FRS2: variants seen among roughly 807,000 people sequenced by gnomAD.
FRS2 encodes the protein fibroblast growth factor receptor substrate 2.
Under a neutral mutation model 43.9 loss-of-function variants are expected in FRS2, and 8 were observed. The ratio of observed to expected loss-of-function variants is 0.18; its 90% CI spans 0.11 to 0.33. The LOEUF (loss-of-function observed/expected upper bound fraction) is 0.33, where lower values mean the gene tolerates loss of function less well. Ranked by LOEUF, FRS2 falls within the 10% of genes least tolerant of loss-of-function variation. The probability of loss-of-function intolerance (pLI) is 1.00; values close to 1 mark genes in which losing one functional copy is unlikely to be tolerated. For synonymous variants in FRS2, 219 were observed against 220.3 expected, an observed-to-expected ratio of 0.99 and a Z score of 0.05; for missense variants, 534 against 627.6, an observed-to-expected ratio of 0.85 and a Z score of 1.59.
At chr12:69,556,639 T>C (rs1335173119) in intron 3 of FRS2, among the ~76,000 whole-genome samples, 1 of 152,218 alleles carries the variant, frequency 6.6e-6, no homozygotes, top group African/African-American at 2.4e-5. Flanking sequence ...ACTTTTCTGT[T>C]ATCCAACATT....
intron 3 of FRS2, among the ~76,000 whole-genome samples, chr12:69,548,540 G>A (rs1232412879): frequency 6.6e-6 from 1 of 152,158 alleles, no homozygotes; most frequent in Non-Finnish European, 1.5e-5. Flanking sequence ...GCTGTTGATC[G>A]TGGTTCTTTT....
At chr12:69,504,743 A>G (rs1873770133) in intron 1 of FRS2, among the ~76,000 whole-genome samples, 1 of 152,236 alleles carries the variant, frequency 6.6e-6, no homozygotes. Flanking sequence ...TCTTTCTCAA[A>G]GTAGAATTAC....
intron 8 of FRS2, among the ~76,000 whole-genome samples, chr12:69,572,948 A>C (rs1466744275): frequency 6.6e-6 from 1 of 152,202 alleles, no homozygotes; most frequent in Non-Finnish European, 1.5e-5. Context: ...CTCCTGCCTC[A>C]GCCTCCCAGG....
Position 69,470,401 on chromosome 12 carries a change from G to A in FRS2, c.-390G>A. On this transcript the variant is annotated 5_prime_UTR_variant, in exon 1 of 9. Transcript: ENST00000549921. ...GAAGTGCTTTTCCAAGATTCGGGCC[G>A]GAGAGAGGCCTTGTAGGCACAGCGG... 7.5e-6 allele frequency: 3 copies of A among 398,662 alleles called. No individual in the cohort carries two copies. Among genetic ancestry groups the A allele is most frequent in the Non-Finnish European group, 8.8e-6 (2 of 226,174 alleles). 24.7% of individuals were successfully genotyped at this position (398,662 alleles called of 1,614,324 possible). A position where few individuals can be genotyped will look rare whatever the true frequency, so the allele number is the denominator to read the frequency against.
intron 1 of FRS2, among the ~76,000 whole-genome samples, chr12:69,482,264 A>G (rs1288789870): frequency 6.6e-6 from 1 of 152,188 alleles, no homozygotes; most frequent in Non-Finnish European, 1.5e-5. Context: ...AGATTTTTTG[A>G]TACCAGATCA....
intron 3 of FRS2, among the ~76,000 whole-genome samples, chr12:69,557,618 G>GTGCGCA (rs1565773003): frequency 2.4e-5 from 3 of 126,578 alleles, no homozygotes. Context: ...GTGTGTGTGT[G>GTGCGCA]TGCGCGCGCG....
chr12:69,535,853 G>A (rs994554543), intron 3 of FRS2, among the ~76,000 whole-genome samples: 1 of 151,558 alleles, frequency 6.6e-6, no homozygotes, highest in Non-Finnish European at 1.5e-5. Flanking sequence ...TTATAGATGT[G>A]TTAATTTTTG....
Position 69,577,881 on chromosome 12 carries a change from A to C in FRS2, c.*2926A>C, listed in dbSNP as rs1172157496. On this transcript the variant is annotated 3_prime_UTR_variant, in exon 9 of 9. Coordinates refer to ENST00000549921, the MANE Select transcript of FRS2 (RefSeq NM_001278356.2). ...ATATCCAGAATACATCATATCTGGGACTTAGGAAAATTTGCCAAGCAATCT... is the reference window on the plus strand; with the variant it reads ...ATATCCAGAATACATCATATCTGGGCCTTAGGAAAATTTGCCAAGCAATCT... The C allele has an allele frequency of 6.6e-6, 1 of 152,564 alleles. No homozygotes were observed. Among genetic ancestry groups the C allele is most frequent in the Admixed American group, 6.5e-5 (1 of 15,276 alleles). The allele number at this position is 152,564 out of a possible 1,614,324, so 9.5% of individuals were successfully genotyped here. A position where few individuals can be genotyped will look rare whatever the true frequency, so the allele number is the denominator to read the frequency against.
chr12:69,472,554 T>G (rs1052779648), intron 1 of FRS2, among the ~76,000 whole-genome samples: 4 of 152,234 alleles, frequency 2.6e-5, no homozygotes. Context: ...AATGTATTTT[T>G]AAGGGAAATA....
intron 1 of FRS2, among the ~76,000 whole-genome samples, chr12:69,528,340 G>T (rs1012641252): frequency 1.3e-5 from 2 of 152,170 alleles, no homozygotes; most frequent in African/African-American, 2.4e-5. Context: ...ATATCTAAAG[G>T]TAACAGATAA....
At chr12:69,494,854 A>G (rs946761853) in intron 1 of FRS2, among the ~76,000 whole-genome samples, 1 of 151,666 alleles carries the variant, frequency 6.6e-6, no homozygotes, top group African/African-American at 2.4e-5. Flanking sequence ...GCTCGCTGCA[A>G]CCTCCACCTC....
intron 1 of FRS2, among the ~76,000 whole-genome samples, chr12:69,524,172 G>A (rs147206754): frequency 1.6e-3 from 239 of 152,212 alleles, no homozygotes; most frequent in African/African-American, 4.4e-3. Flanking sequence ...CAGTGTCGGC[G>A]GCAGGGGCTG....
chr12:69,545,119 A>G (rs998609909), intron 3 of FRS2, among the ~76,000 whole-genome samples: 2 of 152,194 alleles, frequency 1.3e-5, no homozygotes, highest in African/African-American at 4.8e-5. Flanking sequence ...TACAATGAAA[A>G]CTATGAAACA....
At chr12:69,485,586 G>A (rs925695935) in intron 1 of FRS2, among the ~76,000 whole-genome samples, 3 of 151,642 alleles carry the variant, frequency 2.0e-5, no homozygotes, top group Non-Finnish European at 4.4e-5. Context: ...AAGTTCAGGC[G>A]ATTTTCCTGC....
intron 4 of FRS2, among the ~76,000 whole-genome samples, chr12:69,566,048 C>CT (rs1218719893): frequency 6.6e-6 from 1 of 151,906 alleles, no homozygotes; most frequent in African/African-American, 2.4e-5. Context: ...GCTGTGATAG[C>CT]TATAGTGTCA....
At chr12:69,506,549 A>G (rs1026243144) in intron 1 of FRS2, among the ~76,000 whole-genome samples, 1 of 152,020 alleles carries the variant, frequency 6.6e-6, no homozygotes, top group African/African-American at 2.4e-5. Context: ...AGAGAGAGAG[A>G]GTACTCATTC....
rs1007788834 is a variant in FRS2, at chr12:69,578,904, T to C, written c.*3949T>C. On this transcript the variant is annotated 3_prime_UTR_variant, in exon 9 of 9. Transcript: ENST00000549921. ...ATTTTACCCCCATGGTTAATTTCTT[T>C]TATAAACATTCCATATTTCTCTAAT... The C allele has an allele frequency of 1.3e-5, 2 of 152,660 alleles. No individual in the cohort carries two copies. The highest frequency in any genetic ancestry group is 2.4e-5 in the African/African-American group (1 of 41,460). The allele number at this position is 152,660 out of a possible 1,614,324, so 9.5% of individuals were successfully genotyped here. A position where few individuals can be genotyped will look rare whatever the true frequency, so the allele number is the denominator to read the frequency against.
At chr12:69,529,975 A>G (rs1876628147) in intron 1 of FRS2, among the ~76,000 whole-genome samples, 1 of 152,100 alleles carries the variant, frequency 6.6e-6, no homozygotes, top group Non-Finnish European at 1.5e-5. Flanking sequence ...GATTGTTTGA[A>G]CCTGGGAGGC....
At chr12:69,553,629 C>A (rs993351336) in intron 3 of FRS2, among the ~76,000 whole-genome samples, 1 of 151,940 alleles carries the variant, frequency 6.6e-6, no homozygotes, top group Non-Finnish European at 1.5e-5. Flanking sequence ...GCATCTGTTA[C>A]ACATCTGAAA....
Sources: allele counts gnomAD v4.1 joint callset (sites outside exome capture counted in the v4.1 genomes callset), GRCh38; gene constraint gnomAD v4.1.1; transcripts MANE v1.5; gene names NCBI Gene and HGNC (gene_info 2026-07-23, HGNC 2026-07-21).